The following TENM2 variants were observed in gnomAD, a reference collection of about 807,000 sequenced individuals.
TENM2 encodes the protein teneurin-2.
In TENM2, 52 loss-of-function variants were observed where a neutral mutation model predicts 245.2. The observed-to-expected ratio is 0.21, with a 90% confidence interval of 0.17 to 0.27. The LOEUF (loss-of-function observed/expected upper bound fraction) is 0.27. TENM2 is among the 10% of genes least tolerant of loss of function. The probability of loss-of-function intolerance (pLI) is 1.00; values close to 1 mark genes in which losing one functional copy is unlikely to be tolerated. For synonymous variants in TENM2, 1,363 were observed against 1,438.9 expected, an observed-to-expected ratio of 0.95 and a Z score of 1.19; for missense variants, 3,046 against 3,666.8, an observed-to-expected ratio of 0.83 and a Z score of 4.37.
At chr5:167,290,810 G>C (rs756012634) in intron 1 of TENM2, among the ~76,000 whole-genome samples, 1 of 151,840 alleles carries the variant, frequency 6.6e-6, no homozygotes, top group Non-Finnish European at 1.5e-5. Flanking sequence ...CTCTAAGGTA[G>C]TGTCATAGGA....
chr5:167,949,849 C>T (rs761923377), intron 3 of TENM2, among the ~76,000 whole-genome samples: 1 of 152,144 alleles, frequency 6.6e-6, no homozygotes, highest in African/African-American at 2.4e-5. Context: ...CTGTCTCCTG[C>T]ACCTCGTTGG....
At chr5:167,936,875 G>GATGT (rs908573659) in intron 3 of TENM2, among the ~76,000 whole-genome samples, 2 of 152,158 alleles carry the variant, frequency 1.3e-5, no homozygotes, top group African/African-American at 4.8e-5. Flanking sequence ...TCTTCTTGAG[G>GATGT]ATGTCATCTA....
At chr5:167,886,338 T>C (rs1774286998) in intron 3 of TENM2, among the ~76,000 whole-genome samples, 1 of 152,218 alleles carries the variant, frequency 6.6e-6, no homozygotes, top group Non-Finnish European at 1.5e-5. Context: ...AAATAAAATG[T>C]AGTCATCATT....
intron 2 of TENM2, among the ~76,000 whole-genome samples, chr5:167,517,951 C>T (rs560538221): frequency 9.9e-5 from 15 of 152,158 alleles, no homozygotes; most frequent in Admixed American, 2.0e-4. Flanking sequence ...ACTTGGGAGG[C>T]GGAGGCAGGC....
At chr5:167,171,539 A>G in the TENM2 span, among the ~76,000 whole-genome samples, 7 of 152,210 alleles carry the variant, frequency 4.6e-5, no homozygotes, top group Non-Finnish European at 5.9e-5. Context: ...TGAACTACCC[A>G]GGGATGAGCA....
the TENM2 span, among the ~76,000 whole-genome samples, chr5:167,077,879 G>T: frequency 2.0e-5 from 3 of 152,054 alleles, no homozygotes; most frequent in African/African-American, 7.2e-5. Flanking sequence ...TTATAAAAAA[G>T]GCAAAGTAGT....
chr5:167,761,196 T>G (rs919953066), intron 2 of TENM2, among the ~76,000 whole-genome samples: 1 of 152,210 alleles, frequency 6.6e-6, no homozygotes, highest in Non-Finnish European at 1.5e-5. Flanking sequence ...GTCAGTTTCC[T>G]CTCCCCTGCT....
chr5:168,133,162 G>T (rs1287191476), intron 12 of TENM2, among the ~76,000 whole-genome samples: 2 of 152,124 alleles, frequency 1.3e-5, no homozygotes, highest in Non-Finnish European at 2.9e-5. Context: ...CTTTTCATTG[G>T]TGTACAAATA....
At chr5:167,073,437 C>T in the TENM2 span, among the ~76,000 whole-genome samples, 1 of 152,132 alleles carries the variant, frequency 6.6e-6, no homozygotes, top group Non-Finnish European at 1.5e-5. Context: ...TGCTTTCATA[C>T]AGGGCACAAA....
intron 2 of TENM2, among the ~76,000 whole-genome samples, chr5:167,871,721 A>G (rs1561879234): frequency 6.6e-6 from 1 of 152,174 alleles, no homozygotes; most frequent in African/African-American, 2.4e-5. Context: ...ATACTCATTC[A>G]AAATGGAACT....
chr5:167,818,597 A>G lies in TENM2; in HGVS notation c.503-57389A>G, dbSNP rs191740870. Among the ~76,000 whole-genome samples, 13 of 152,266 alleles carry G rather than the reference A, an allele frequency of 8.5e-5. No homozygotes were observed. The East Asian group carries it at 2.5e-3, about 30-fold the overall frequency. On this transcript the variant is annotated intron_variant, in intron 2 of 28. Coordinates refer to ENST00000518659, the Ensembl canonical transcript of TENM2. ...CCCAAGGCCACGGGGTCAGCATATG[A>G]CTGGCAGACCCTTAGGCCTTCCCAC...
intron 2 of TENM2, among the ~76,000 whole-genome samples, chr5:167,697,957 G>C (rs921551341): frequency 6.6e-6 from 1 of 152,066 alleles, no homozygotes; most frequent in African/African-American, 2.4e-5. Context: ...AAATATAATC[G>C]CCTGACAAGG....
At chr5:168,243,477 G>A (rs575191218) in intron 25 of TENM2, among the ~76,000 whole-genome samples, 3 of 152,302 alleles carry the variant, frequency 2.0e-5, no homozygotes, top group South Asian at 4.1e-4. Context: ...TAGAAGGAAA[G>A]AAGTTCACAT....
chr5:168,099,171 AAGTGCT>A (rs1793607722), intron 9 of TENM2, among the ~76,000 whole-genome samples: 3 of 151,856 alleles, frequency 2.0e-5, no homozygotes, highest in African/African-American at 7.3e-5. Context: ...TATCCTCCCA[AAGTGCT>A]AGGATTACAG....
At chr5:167,538,558 T>C (rs1771996775) in intron 2 of TENM2, among the ~76,000 whole-genome samples, 1 of 152,216 alleles carries the variant, frequency 6.6e-6, no homozygotes, top group Non-Finnish European at 1.5e-5. Context: ...ATTCACTTGG[T>C]GTTTGTAACA....
chr5:167,867,912 A>G (rs990648849), intron 2 of TENM2, among the ~76,000 whole-genome samples: 7 of 152,220 alleles, frequency 4.6e-5, no homozygotes, highest in African/African-American at 1.7e-4. Context: ...TCTGACTTAA[A>G]TTCCCCAATG....
At chr5:168,241,148 G>A (rs1015576311) in intron 25 of TENM2, 1 of 152,228 alleles carries the variant, frequency 6.6e-6, no homozygotes, top group African/African-American at 2.4e-5. Flanking sequence ...GTTGCTGGAA[G>A]TTGTTGATAG....
chr5:167,877,314 G>T (rs1252694856), intron 3 of TENM2, among the ~76,000 whole-genome samples: 1 of 152,154 alleles, frequency 6.6e-6, no homozygotes, highest in Non-Finnish European at 1.5e-5. Context: ...TTCTGGAAAT[G>T]GAATGATGGA....
intron 4 of TENM2, among the ~76,000 whole-genome samples, chr5:167,989,295 AG>A (rs1562021258): frequency 9.3e-5 from 14 of 151,168 alleles, no homozygotes; most frequent in African/African-American, 3.2e-4. Flanking sequence ...AGAGAGAGAG[AG>A]AGAGATAGAT....
Sources: gnomAD v4.1 joint callset for allele counts (sites outside exome capture counted in the v4.1 genomes callset) on GRCh38, gnomAD v4.1.1 for gene constraint, MANE v1.5 for transcripts, NCBI Gene and HGNC (gene_info 2026-07-23, HGNC 2026-07-21) for gene names.